MINDY2: variants seen among roughly 807,000 people sequenced by gnomAD.
MINDY2 encodes MINDY lysine 48 deubiquitinase 2.
A neutral mutation model predicts 68.2 loss-of-function variants in MINDY2; 52 were observed. The observed-to-expected ratio is 0.76, with a 90% confidence interval of 0.61 to 0.96. The LOEUF (loss-of-function observed/expected upper bound fraction) is 0.96, where lower values mean the gene tolerates loss of function less well. Ranked by LOEUF, MINDY2 falls within the 40% of genes least tolerant of loss-of-function variation. The pLI is 0.00. For synonymous variants in MINDY2, 372 were observed against 303.0 expected, an observed-to-expected ratio of 1.23 and a Z score of -2.36; for missense variants, 881 against 773.4, an observed-to-expected ratio of 1.14 and a Z score of -1.65.
At chr15:58,791,620 A>ATTGTG (rs1491325995) in intron 2 of MINDY2, among the ~76,000 whole-genome samples, 1 of 80,788 alleles carries the variant, frequency 1.2e-5, no homozygotes, top group Non-Finnish European at 2.6e-5. Context: ...CTGTCTCAAA[A>ATTGTG]TATGTGTGTG....
At chr15:58,824,171 C>A (rs1473691675) in intron 5 of MINDY2, among the ~76,000 whole-genome samples, 2 of 152,132 alleles carry the variant, frequency 1.3e-5, no homozygotes, top group African/African-American at 4.8e-5. Flanking sequence ...GGACTTAGTA[C>A]TATAATAATT....
chr15:58,793,560 G>A (rs115112984), intron 2 of MINDY2, among the ~76,000 whole-genome samples: 4,923 of 152,240 alleles, frequency 0.032, 284 homozygotes, highest in African/African-American at 0.11. Context: ...CATTTTAAGT[G>A]AGTAGCTTGT....
intron 2 of MINDY2, among the ~76,000 whole-genome samples, chr15:58,797,365 A>G (rs902232365): frequency 1.3e-5 from 2 of 151,980 alleles, no homozygotes; most frequent in African/African-American, 2.4e-5. Context: ...AAAATTAGCC[A>G]TGTGTGATGA....
intron 6 of MINDY2, among the ~76,000 whole-genome samples, 195 bp from the exon 7 acceptor site, chr15:58,847,102 A>T (rs925230249): frequency 1.1e-4 from 17 of 152,200 alleles, no homozygotes; most frequent in African/African-American, 4.1e-4. Context: ...TGTGCCAATT[A>T]TAAACTATAT....
intron 5 of MINDY2, among the ~76,000 whole-genome samples, chr15:58,826,008 A>G (rs145433608): frequency 5.3e-5 from 8 of 152,248 alleles, no homozygotes; most frequent in African/African-American, 1.9e-4. Flanking sequence ...AGCCTTTATT[A>G]TGTGCCATAG....
chr15:58,849,926 A>T (rs1363822929), intron 7 of MINDY2, among the ~76,000 whole-genome samples: 15 of 152,028 alleles, frequency 9.9e-5, no homozygotes, highest in Non-Finnish European at 2.2e-4. Context: ...TAGTGGAGGC[A>T]GGGTTTCGCC....
intron 6 of MINDY2, among the ~76,000 whole-genome samples, chr15:58,839,249 A>C (rs1344211951): frequency 2.0e-5 from 3 of 152,116 alleles, no homozygotes; most frequent in East Asian, 1.9e-4. Flanking sequence ...TATTGTTTAC[A>C]TCTCTATTCT....
intron 1 of MINDY2, among the ~76,000 whole-genome samples, chr15:58,784,164 A>C (rs1901332682): frequency 6.6e-6 from 1 of 151,874 alleles, no homozygotes; most frequent in Admixed American, 6.6e-5. Context: ...CACCTCTATA[A>C]AAAATACAAA....
chr15:58,784,092 G>T (rs1173579127), intron 1 of MINDY2, among the ~76,000 whole-genome samples: 1 of 152,140 alleles, frequency 6.6e-6, no homozygotes, highest in Non-Finnish European at 1.5e-5. Flanking sequence ...TTGCGAGGCT[G>T]AGGTAGGAGG....
intron 6 of MINDY2, among the ~76,000 whole-genome samples, chr15:58,842,632 C>T (rs1020973606): frequency 6.6e-6 from 1 of 152,044 alleles, no homozygotes; most frequent in Non-Finnish European, 1.5e-5. Flanking sequence ...ATCTTTTTCT[C>T]TTAAATAGGA....
intron 1 of MINDY2, among the ~76,000 whole-genome samples, chr15:58,777,108 A>G (rs1900819508): frequency 1.3e-5 from 2 of 152,218 alleles, no homozygotes. Context: ...AGTAGCATGA[A>G]TAAATTGAGG....
At chr15:58,831,685 C>T in intron 5 of MINDY2, 89 bp from the exon 6 acceptor site, 3 of 1,202,764 alleles carry the variant, frequency 2.5e-6, no homozygotes, top group South Asian at 1.6e-5. Flanking sequence ...GGCCTTTTTC[C>T]ATACTTGGAA....
intron 1 of MINDY2, among the ~76,000 whole-genome samples, chr15:58,775,565 TAG>T (rs1326654978): frequency 5.3e-5 from 8 of 152,218 alleles, no homozygotes; most frequent in Admixed American, 5.2e-4. Context: ...GCGCTTTGGT[TAG>T]AGAGTTCTTT....
chr15:58,833,358 C>A (rs947651263), intron 6 of MINDY2, among the ~76,000 whole-genome samples: 5 of 152,154 alleles, frequency 3.3e-5, no homozygotes, highest in South Asian at 2.1e-4. Context: ...AGTGGGTTGC[C>A]CCTCCACACC....
At chr15:58,789,109 G>A (rs1289386793) in intron 2 of MINDY2, among the ~76,000 whole-genome samples, 6 of 152,224 alleles carry the variant, frequency 3.9e-5, no homozygotes, top group African/African-American at 4.8e-5. Flanking sequence ...AGGCCGAGGC[G>A]GGCCGATCAC....
Position 58,847,344 on chromosome 15 carries a change from G to C in MINDY2, c.1416G>C (p.Glu472Asp), listed in dbSNP as rs370571725. The change falls in exon 7 of 9, where the codon GAG becomes GAC. Residue 472 changes from glutamate to aspartate, a missense_variant. Glu to Asp is a conservative substitution (Grantham distance 45). Transcript: ENST00000559228. ...LVTDQGFLTE[E>D]KVVWESLHNV... ...CGGACCAGGGGTTTCTTACTGAAGA[G>C]AAAGTTGTTTGGGAAAGCCTACACA... 1.9e-6 allele frequency: 3 copies of C among 1,597,686 alleles called. No individual in the cohort carries two copies. The African/African-American group carries it at 4.0e-5, about 21-fold the overall frequency.
At chr15:58,797,619 T>G (rs1228461978) in intron 2 of MINDY2, among the ~76,000 whole-genome samples, 1 of 152,216 alleles carries the variant, frequency 6.6e-6, no homozygotes, top group Non-Finnish European at 1.5e-5. Flanking sequence ...TTGCATTATA[T>G]TTCAACTGGA....
intron 1 of MINDY2, among the ~76,000 whole-genome samples, chr15:58,778,291 G>A (rs1207444078): frequency 5.9e-5 from 9 of 151,966 alleles, no homozygotes; most frequent in Non-Finnish European, 1.2e-4. Context: ...TTAAGATGCT[G>A]GAAACACATC....
chr15:58,828,090 T>C (rs1353548839), intron 5 of MINDY2, among the ~76,000 whole-genome samples: 3 of 150,584 alleles, frequency 2.0e-5, no homozygotes. Flanking sequence ...AAAAATTAGC[T>C]GGGTGTGCAG....
Sources: allele counts gnomAD v4.1 joint callset (sites outside exome capture counted in the v4.1 genomes callset), GRCh38; gene constraint gnomAD v4.1.1; transcripts MANE v1.5; gene names NCBI Gene and HGNC (gene_info 2026-07-23, HGNC 2026-07-21).